Variants in LRRC23 observed in about 807,000 individuals in gnomAD.
LRRC23 encodes the protein leucine rich repeat containing 23.
In LRRC23, 28 loss-of-function variants were observed where a neutral mutation model predicts 37.7. The observed-to-expected ratio is 0.74, with a 90% confidence interval of 0.55 to 1.02. The LOEUF is 1.02. LRRC23 is among the 50% of genes least tolerant of loss of function. LRRC23 has a pLI of 0.00. For synonymous variants in LRRC23, 161 were observed against 165.4 expected (o/e 0.97, Z 0.20); for missense variants, 377 against 413.2 (o/e 0.91, Z 0.76).
At position 6,914,196 on chromosome 12, in the gene LRRC23, G is replaced by A. The variant is rs924546830; in HGVS notation, c.*330G>A. On this transcript the variant is annotated 3_prime_UTR_variant, in exon 8 of 8. Coordinates refer to ENST00000443597, the MANE Select transcript of LRRC23 (RefSeq NM_001135217.2). The surrounding 1 kb of genome is among the most constrained non-coding windows in gnomAD (Gnocchi z 7.1). The stretch of plus-strand genomic sequence containing the variant: ...GGAGAGACTTGCGAAGGCGGCTGGG[G>A]TGTTCGGATTTCCAATAAAGAAACA... The A allele has an allele frequency of 1.4e-5, 12 of 827,886 alleles. No individual in the cohort carries two copies. Among genetic ancestry groups the A allele is most frequent in the Non-Finnish European group, 2.2e-5 (12 of 548,486 alleles). The allele number at this position is 827,886 out of a possible 1,614,324, so 51.3% of individuals were successfully genotyped here.
rs1555141201 is a variant in LRRC23, at chr12:6,913,947, T to C, written c.*81T>C. 2.5e-6 allele frequency: 4 copies of C among 1,613,308 alleles called. No individual in the cohort carries two copies. In the Admixed American group the frequency reaches 6.7e-5, roughly 27 times the overall value. ...CAGACTCCCAGGGGCAGCCACCACA[T>C]GTATGACAGAGAACAGAGGATGCCT... On this transcript the variant is annotated 3_prime_UTR_variant, in exon 8 of 8. Transcript: ENST00000443597.
chr12:6,912,920 G>A lies in LRRC23; in HGVS notation c.949G>A (p.Val317Met). The A allele has an allele frequency of 6.2e-7, 1 of 1,614,136 alleles. No homozygotes were observed. Among genetic ancestry groups the A allele is most frequent in the Non-Finnish European group, 8.5e-7 (1 of 1,180,020 alleles). The change falls in exon 7 of 8, where the codon GTG becomes ATG. Residue 317 changes from valine (V) to methionine (M), a missense_variant. This residue lies in a region of LRRC23 where 266 missense variants were observed against 285.6 expected (regional missense o/e 0.93). Coordinates refer to ENST00000443597, the MANE Select transcript of LRRC23 (RefSeq NM_001135217.2). The stretch of plus-strand genomic sequence containing the variant: ...GGAGGAGGAACGGGCTGAGGCTGAT[G>A]TGATTCGACAGAGGCTGAAGGAAGA... ...YEEEERAEAD[V>M]IRQRLKEEKE...
chr12:6,909,142 TTATATATTATATATTATATATAA>T (rs1555140240), intron 5 of LRRC23, among the ~76,000 whole-genome samples: 6 of 12,424 alleles, frequency 4.8e-4, no homozygotes, highest in East Asian at 8.3e-3. Context: ...TAATTATATA[TTATATATTATATATTATATATAA>T]AATATATAAT....
chr12:6,913,227 A>G, intron 7 of LRRC23, 200 bp downstream of exon 7: 1 of 568,556 alleles, frequency 1.8e-6, no homozygotes, highest in South Asian at 2.2e-5. Context: ...AAGACTTAGG[A>G]GGCCAGAAGA....
intron 7 of LRRC23, 24 bp from the exon 8 acceptor site, chr12:6,913,867 T>A: frequency 6.5e-7 from 1 of 1,539,166 alleles, no homozygotes. Context: ...CTGGTCCCTA[T>A]TTACTTCTGT....
At position 6,907,312 on chromosome 12, in the gene LRRC23, C is replaced by T; in HGVS notation, c.491-3C>T. On this transcript the variant is annotated splice_region_variant and splice_polypyrimidine_tract_variant and intron_variant, in intron 4 of 7. Coordinates refer to ENST00000443597, the MANE Select transcript of LRRC23 (RefSeq NM_001135217.2). ...TTTGAGCTCTTGAAACCCTCCTCCCCAGGGAACAGCATCCACATGGTGACA... is the reference window on the plus strand; with the variant it reads ...TTTGAGCTCTTGAAACCCTCCTCCCTAGGGAACAGCATCCACATGGTGACA... The T allele has an allele frequency of 6.2e-7, 1 of 1,613,654 alleles. No homozygotes were observed. The highest frequency in any genetic ancestry group is 2.2e-5 in the East Asian group (1 of 44,874).
At position 6,911,519 on chromosome 12, in the gene LRRC23, G is replaced by A. The variant is rs781860710; in HGVS notation, c.759-1211G>A. 3.9e-5 allele frequency among the ~76,000 whole-genome samples: 6 copies of A among 152,082 alleles called. No homozygotes were observed. In the South Asian group the frequency reaches 1.2e-3, roughly 32 times the overall value. The stretch of plus-strand genomic sequence containing the variant: ...AGTAAGTCGGGTGTGTGTGTGGAGG[G>A]GGGTGAGGGTGTCTCAATGATTGGC... On this transcript the variant is annotated intron_variant, in intron 6 of 7. Transcript: ENST00000443597.
In LRRC23 at chr12:6,905,705, G is replaced by T. The variant is rs368565106; in HGVS notation, c.72G>T (p.Lys24Asn). 15 of 1,613,456 alleles carry T rather than the reference G, an allele frequency of 9.3e-6. No individual in the cohort carries two copies. The African/African-American group carries it at 1.5e-4, about 16-fold the overall frequency. Residue 24 changes from lysine (K) to asparagine (N), a missense_variant, in exon 2 of 8, where the codon AAG (lysine) becomes AAT (asparagine). By Grantham distance (94) the Lys-to-Asn change is moderately conservative (BLOSUM62 0). This residue lies in a region of LRRC23 where 106 missense variants were observed against 105.9 expected (regional missense o/e 1.00). Coordinates refer to ENST00000443597, the MANE Select transcript of LRRC23 (RefSeq NM_001135217.2). ...QDDSEKEEDEKETEEGEDYRK... is the reference protein window; with the variant it reads ...QDDSEKEEDENETEEGEDYRK... ...ATTCTGAGAAAGAAGAGGACGAGAA[G>T]GAGACAGAGGAGGGGGAGGACTACA...
In LRRC23 at chr12:6,912,985, C is replaced by T. The variant is rs370421676; in HGVS notation, c.1014C>T (p.Pro338=). 4.2e-5 allele frequency: 67 copies of T among 1,613,830 alleles called. 1 individual carries two copies. The East Asian group carries it at 9.4e-4, about 23-fold the overall frequency. The change falls in exon 7 of 8, where the codon CCC becomes CCT. Residue 338 remains proline, a synonymous_variant. Transcript: ENST00000443597. ...QEPEPQRDLE[P]EQSLI ...CTGAGCCCCAGCGTGACCTGGAACC[C>T]GAACAGTCATTGATCTAGCAGCAGT...
intron 3 of LRRC23, 139 bp downstream of exon 3, chr12:6,906,093 TC>T: frequency 1.3e-6 from 1 of 780,302 alleles, no homozygotes; most frequent in Non-Finnish European, 2.1e-6. Flanking sequence ...AATTTACTTT[TC>T]AGGAGCTCTG....
At chr12:6,911,099 T>G (rs1458185371) in intron 6 of LRRC23, among the ~76,000 whole-genome samples, 1 of 152,160 alleles carries the variant, frequency 6.6e-6, no homozygotes, top group Non-Finnish European at 1.5e-5. Context: ...GATGACCTTT[T>G]TACTGATTAA....
At position 6,912,986 on chromosome 12, in the gene LRRC23, G is replaced by A. The variant is rs781833414; in HGVS notation, c.1015G>A (p.Glu339Lys). The A allele has an allele frequency of 5.0e-6, 8 of 1,613,940 alleles. No individual in the cohort carries two copies. The highest frequency in any genetic ancestry group is 1.7e-5 in the Admixed American group (1 of 59,974). The stretch of plus-strand genomic sequence containing the variant: ...TGAGCCCCAGCGTGACCTGGAACCC[G>A]AACAGTCATTGATCTAGCAGCAGTT... ...EPEPQRDLEP[E>K]QSLI The change falls in exon 7 of 8, where the codon GAA (glutamate) becomes AAA (lysine). Residue 339 changes from glutamate (E) to lysine (K), a missense_variant. Physicochemically the swap from Glu to Lys is moderately conservative, Grantham distance 56. Coordinates refer to ENST00000443597, the MANE Select transcript of LRRC23 (RefSeq NM_001135217.2).
At chr12:6,912,262 T>A (rs1438852026) in intron 6 of LRRC23, among the ~76,000 whole-genome samples, 1 of 152,072 alleles carries the variant, frequency 6.6e-6, no homozygotes, top group Non-Finnish European at 1.5e-5. Context: ...CAATCCCTCC[T>A]CCTCAGCTAA....
intron 5 of LRRC23, chr12:6,907,817 G>A (rs1944985795): frequency 1.4e-5 from 6 of 428,472 alleles, no homozygotes; most frequent in Non-Finnish European, 2.6e-5. Flanking sequence ...GACCAAAGGT[G>A]TGGGGGTTTC....
In LRRC23 at chr12:6,904,929, T is replaced by C. The variant is rs1319308607; in HGVS notation, c.-196T>C. On this transcript the variant is annotated 5_prime_UTR_variant, in exon 1 of 8. Transcript: ENST00000443597. ...GTAGTCGCCGCTCTACTCTCAACGG[T>C]GGCGAGCTGCAGTTGCCAAGTGCCC... 1 of 152,296 alleles carries C rather than the reference T, an allele frequency of 6.6e-6. No individual in the cohort carries two copies. The highest frequency in any genetic ancestry group is 1.5e-5 in the Non-Finnish European group (1 of 68,108). 9.4% of individuals were successfully genotyped at this position (152,296 alleles called of 1,614,324 possible). A position where few individuals can be genotyped will look rare whatever the true frequency, so the allele number is the denominator to read the frequency against.
At chr12:6,912,660 G>T in intron 6 of LRRC23, 70 bp from the exon 7 acceptor site, 2 of 1,373,420 alleles carry the variant, frequency 1.5e-6, no homozygotes, top group Non-Finnish European at 2.0e-6. Flanking sequence ...TCCCCCAGAG[G>T]CCCCATTCCT....
rs782265169 is a variant in LRRC23, at chr12:6,913,949, T to C, written c.*83T>C. ...GACTCCCAGGGGCAGCCACCACATG[T>C]ATGACAGAGAACAGAGGATGCCTGT... On this transcript the variant is annotated 3_prime_UTR_variant, in exon 8 of 8. Coordinates refer to ENST00000443597, the MANE Select transcript of LRRC23 (RefSeq NM_001135217.2). 9.3e-6 allele frequency: 15 copies of C among 1,613,262 alleles called. No individual in the cohort carries two copies. The African/African-American group carries it at 1.3e-4, about 14-fold the overall frequency.
intron 5 of LRRC23, among the ~76,000 whole-genome samples, chr12:6,908,873 A>G (rs1406339657): frequency 6.9e-6 from 1 of 143,990 alleles, no homozygotes; most frequent in African/African-American, 2.6e-5. Context: ...GTGGGGGGAA[A>G]GATTAGCGCT....
chr12:6,911,212 C>A (rs1945152394), intron 6 of LRRC23, among the ~76,000 whole-genome samples: 1 of 152,132 alleles, frequency 6.6e-6, no homozygotes, highest in Admixed American at 6.6e-5. Flanking sequence ...GGATGGAGGA[C>A]TTTATGTGTG....
Sources: allele counts gnomAD v4.1 joint callset (sites outside exome capture counted in the v4.1 genomes callset), GRCh38; gene constraint gnomAD v4.1.1; regional missense constraint gnomAD v4.1.1; non-coding constraint Gnocchi (gnomAD v3.1); transcripts MANE v1.5; gene names NCBI Gene and HGNC (gene_info 2026-07-23, HGNC 2026-07-21).